HAUS2: variants seen among roughly 807,000 people sequenced by gnomAD.
HAUS2 encodes HAUS augmin-like complex subunit 2.
In HAUS2, 20 loss-of-function variants were observed where a neutral mutation model predicts 21.6. That is an observed-to-expected ratio of 0.93 (90% CI 0.65 to 1.35). HAUS2 has a LOEUF of 1.35. Among genes scored for constraint, HAUS2 ranks in the 40% most tolerant of loss-of-function variants. The probability of loss-of-function intolerance (pLI) is 0.00; values close to 1 mark genes in which losing one functional copy is unlikely to be tolerated. For missense variants in HAUS2, 297 were observed against 280.7 expected (o/e 1.06, Z -0.42); for synonymous variants, 113 against 95.6 (o/e 1.18, Z -1.06).
chr15:42,557,327 ATTATATATAATATATATT>A (rs1428311890), intron 1 of HAUS2, among the ~76,000 whole-genome samples: 542 of 40,278 alleles, frequency 0.013, 79 homozygotes, highest in African/African-American at 0.039. Context: ...AAATATATAT[ATTATATATAATATATATT>A]TTATATATAA....
At chr15:42,555,194 G>T (rs1467803840) in intron 1 of HAUS2, among the ~76,000 whole-genome samples, 1 of 151,784 alleles carries the variant, frequency 6.6e-6, no homozygotes, top group Non-Finnish European at 1.5e-5. Flanking sequence ...CACCATGTTG[G>T]CCAGGATGGT....
At chr15:42,557,595 G>T (rs2057801190) in intron 1 of HAUS2, among the ~76,000 whole-genome samples, 1 of 149,910 alleles carries the variant, frequency 6.7e-6, no homozygotes, top group South Asian at 2.1e-4. Flanking sequence ...GTCTAGGAAT[G>T]CACAAGATAA....
intron 1 of HAUS2, among the ~76,000 whole-genome samples, chr15:42,552,810 C>G (rs1043695505): frequency 3.3e-5 from 5 of 152,148 alleles, no homozygotes; most frequent in African/African-American, 1.2e-4. Flanking sequence ...CTACTCTCCT[C>G]TATACCTCTT....
At chr15:42,561,466 G>A in intron 4 of HAUS2, 64 bp downstream of exon 4, 1 of 1,046,512 alleles carries the variant, frequency 9.6e-7, no homozygotes, top group South Asian at 1.3e-5. Flanking sequence ...TTGTTTTGCA[G>A]TTACTTTGTA....
rs1239935462 is a variant in HAUS2, at chr15:42,548,842, T to A, written c.-31T>A. On this transcript the variant is annotated 5_prime_UTR_variant, in exon 1 of 6. It adds an upstream start codon to the 5' untranslated region. Coordinates refer to ENST00000260372, the MANE Select transcript of HAUS2 (RefSeq NM_018097.3). ...GTTCGCCCTGCGATCCCGCTCACTC[T>A]TGGCGCCTTCGCGGAAGGTGCGTCC... 1 of 1,515,296 alleles carries A rather than the reference T, an allele frequency of 6.6e-7. No individual in the cohort carries two copies. Among genetic ancestry groups the A allele is most frequent in the Non-Finnish European group, 9.0e-7 (1 of 1,117,124 alleles). The allele number at this position is 1,515,296 out of a possible 1,614,324, so 93.9% of individuals were successfully genotyped here.
intron 5 of HAUS2, 54 bp from the exon 6 acceptor site, chr15:42,566,553 T>A (rs2057908856): frequency 1.1e-6 from 1 of 951,020 alleles, no homozygotes; most frequent in Non-Finnish European, 1.7e-6. Context: ...ACTGATGATA[T>A]AATGAATTAA....
chr15:42,557,032 G>A (rs551096172), intron 1 of HAUS2, among the ~76,000 whole-genome samples: 8 of 150,942 alleles, frequency 5.3e-5, no homozygotes, highest in Admixed American at 2.0e-4. Flanking sequence ...TGACAAGAGC[G>A]AAACTCAGTC....
intron 1 of HAUS2, among the ~76,000 whole-genome samples, chr15:42,557,513 T>TA (rs1566832118): frequency 9.4e-4 from 22 of 23,494 alleles, no homozygotes; most frequent in South Asian, 1.4e-3. Flanking sequence ...AATGTATATA[T>TA]TATATATATA....
chr15:42,555,240 C>G (rs2057760366), intron 1 of HAUS2, among the ~76,000 whole-genome samples: 1 of 152,078 alleles, frequency 6.6e-6, no homozygotes, highest in Non-Finnish European at 1.5e-5. Context: ...CCCACCTCGG[C>G]CTCCCAAAGT....
Position 42,559,366 on chromosome 15 carries a change from C to T in HAUS2, c.214C>T (p.Leu72=). 1 of 1,605,578 alleles carries T rather than the reference C, an allele frequency of 6.2e-7. No homozygotes were observed. The highest frequency in any genetic ancestry group is 8.5e-7 in the Non-Finnish European group (1 of 1,172,300). ...AAACCTGGAAATTGAACTCCTGAAA[C>T]TAGAAAAAGATACAGCAGATGTTGT... ...QKNLEIELLK[L]EKDTADVVHP... is the part of the protein sequence containing the mutation. The change falls in exon 3 of 6, where the codon CTA becomes TTA. Residue 72 remains leucine, a synonymous_variant. Coordinates refer to ENST00000260372, the MANE Select transcript of HAUS2 (RefSeq NM_018097.3).
At chr15:42,561,144 AAGG>A in intron 3 of HAUS2, 123 bp from the exon 4 acceptor site, 2 of 609,036 alleles carry the variant, frequency 3.3e-6, no homozygotes, top group Non-Finnish European at 5.8e-6. Flanking sequence ...AGACAGCAAA[AAGG>A]AGACAGGAGG....
intron 1 of HAUS2, among the ~76,000 whole-genome samples, chr15:42,554,578 C>A (rs937882673): frequency 9.9e-5 from 15 of 150,976 alleles, no homozygotes; most frequent in Non-Finnish European, 2.1e-4. Context: ...GCAGCCTCAG[C>A]CTCCTGGGCT....
chr15:42,558,890 C>T lies in HAUS2; in HGVS notation c.187-449C>T, dbSNP rs371680727. On this transcript the variant is annotated intron_variant, in intron 2 of 5. Transcript: ENST00000260372. ...GGAGGATCACTTGAGCCTAGGAAAT[C>T]GGGGCTGCAGTGAGCCATGTTTGGG... is the stretch of plus-strand genomic sequence containing the variant. 2.8e-4 allele frequency among the ~76,000 whole-genome samples: 42 copies of T among 151,986 alleles called. 1 individual carries two copies. In the South Asian group the frequency reaches 7.7e-3, roughly 28 times the overall value.
intron 1 of HAUS2, among the ~76,000 whole-genome samples, chr15:42,552,509 C>T (rs1468293704): frequency 1.3e-5 from 2 of 152,104 alleles, no homozygotes; most frequent in Non-Finnish European, 2.9e-5. Flanking sequence ...TGATTTGATA[C>T]AACTCTTCTA....
chr15:42,550,488 C>G (rs1315349053), intron 1 of HAUS2, among the ~76,000 whole-genome samples: 4 of 152,154 alleles, frequency 2.6e-5, no homozygotes, highest in Non-Finnish European at 5.9e-5. Flanking sequence ...CCTTTTGACA[C>G]ATTGTATCCC....
In HAUS2 at chr15:42,548,848, C is replaced by T; in HGVS notation, c.-25C>T. ...CCTGCGATCCCGCTCACTCTTGGCG[C>T]CTTCGCGGAAGGTGCGTCCGAGCCA... On this transcript the variant is annotated 5_prime_UTR_variant, in exon 1 of 6. Coordinates refer to ENST00000260372, the MANE Select transcript of HAUS2 (RefSeq NM_018097.3). 1.3e-6 allele frequency: 2 copies of T among 1,530,452 alleles called. No homozygotes were observed. 94.8% of individuals were successfully genotyped at this position (1,530,452 alleles called of 1,614,324 possible). A position where few individuals can be genotyped will look rare whatever the true frequency, so the allele number is the denominator to read the frequency against.
intron 1 of HAUS2, 130 bp downstream of exon 1, chr15:42,549,095 C>A: frequency 1.7e-6 from 1 of 592,728 alleles, no homozygotes. Context: ...TAATAAGAGC[C>A]CCTTCCAGGC....
At chr15:42,556,177 G>A (rs1437171873) in intron 1 of HAUS2, among the ~76,000 whole-genome samples, 2 of 148,298 alleles carry the variant, frequency 1.3e-5, no homozygotes, top group East Asian at 2.0e-4. Context: ...GGCCAGGCTG[G>A]TCTCAAACTC....
intron 1 of HAUS2, among the ~76,000 whole-genome samples, chr15:42,552,483 G>A (rs1255300697): frequency 6.6e-6 from 1 of 152,156 alleles, no homozygotes; most frequent in Non-Finnish European, 1.5e-5. Context: ...TAAAAATTGA[G>A]TGATTCCTAA....
Sources: gnomAD v4.1 joint callset for allele counts (sites outside exome capture counted in the v4.1 genomes callset) on GRCh38, gnomAD v4.1.1 for gene constraint, MANE v1.5 for transcripts, NCBI Gene and HGNC (gene_info 2026-07-23, HGNC 2026-07-21) for gene names.